Variants in STAM observed in about 807,000 individuals in gnomAD.
STAM encodes signal transducing adaptor molecule.
In STAM, 16 loss-of-function variants were observed where a neutral mutation model predicts 63.4. That is an observed-to-expected ratio of 0.25 (90% CI 0.17 to 0.38). The LOEUF (loss-of-function observed/expected upper bound fraction) is 0.38. STAM is among the 10% of genes least tolerant of loss of function. STAM has a pLI of 1.00. For synonymous variants in STAM, 238 were observed against 223.9 expected, an observed-to-expected ratio of 1.06 and a Z score of -0.56; for missense variants, 636 against 657.1, an observed-to-expected ratio of 0.97 and a Z score of 0.35.
intron 9 of STAM, among the ~76,000 whole-genome samples, chr10:17,703,772 A>G (rs999564044): frequency 3.3e-5 from 5 of 152,156 alleles, no homozygotes; most frequent in African/African-American, 4.8e-5. Flanking sequence ...TTTATGACCA[A>G]CTGAAACACT....
intron 1 of STAM, among the ~76,000 whole-genome samples, chr10:17,657,348 C>T (rs1833982497): frequency 6.6e-6 from 1 of 152,144 alleles, no homozygotes; most frequent in Admixed American, 6.5e-5. Flanking sequence ...TCCTGCCCTG[C>T]TCGTACCTGT....
intron 1 of STAM, among the ~76,000 whole-genome samples, chr10:17,645,188 G>T (rs549990481): frequency 1.3e-5 from 2 of 152,190 alleles, no homozygotes; most frequent in South Asian, 2.1e-4. Flanking sequence ...AGTTTCCGGG[G>T]AGAGAATTTT....
chr10:17,655,364 A>G (rs1408847355), intron 1 of STAM, among the ~76,000 whole-genome samples: 1 of 152,160 alleles, frequency 6.6e-6, no homozygotes, highest in Admixed American at 6.5e-5. Context: ...ATCTGTGTGA[A>G]TAACCTGCTT....
intron 2 of STAM, among the ~76,000 whole-genome samples, chr10:17,660,991 T>C (rs1564533436): frequency 6.6e-6 from 1 of 152,206 alleles, no homozygotes; most frequent in African/African-American, 2.4e-5. Context: ...ATTTCTCAGT[T>C]ACCAAGTTTC....
At chr10:17,692,953 G>T (rs1211620046) in intron 5 of STAM, among the ~76,000 whole-genome samples, 1 of 151,904 alleles carries the variant, frequency 6.6e-6, no homozygotes, top group Non-Finnish European at 1.5e-5. Context: ...TCTCTGACTT[G>T]TGTACCATAT....
At chr10:17,660,959 A>G (rs1051309389) in intron 2 of STAM, among the ~76,000 whole-genome samples, 1 of 152,054 alleles carries the variant, frequency 6.6e-6, no homozygotes, top group South Asian at 2.1e-4. Flanking sequence ...CATTTTTTCC[A>G]CTGATTTTAG....
chr10:17,714,873 C>A lies in STAM; in HGVS notation c.*93C>A. ...TATCTTAAGATGTGTTTATCCTCAG[C>A]TTATAGGAATCTCTCCAGGTCAACA... On this transcript the variant is annotated 3_prime_UTR_variant, in exon 14 of 14. Coordinates refer to ENST00000377524, the MANE Select transcript of STAM (RefSeq NM_003473.4). The A allele has an allele frequency of 8.2e-7, 1 of 1,213,772 alleles. No homozygotes were observed. Among genetic ancestry groups the A allele is most frequent in the Non-Finnish European group, 1.2e-6 (1 of 828,504 alleles). 75.2% of individuals were successfully genotyped at this position (1,213,772 alleles called of 1,614,324 possible). A position where few individuals can be genotyped will look rare whatever the true frequency, so the allele number is the denominator to read the frequency against.
Position 17,695,570 on chromosome 10 carries a change from T to A in STAM, c.728+329T>A, listed in dbSNP as rs190684105. On this transcript the variant is annotated intron_variant, in intron 7 of 13. Coordinates refer to ENST00000377524, the MANE Select transcript of STAM (RefSeq NM_003473.4). ...ACACTGAGTATGTATATGTACTTAA[T>A]GCAATTTGTAAGAAATATATAATCT... 203 of 184,094 alleles carry A rather than the reference T, an allele frequency of 1.1e-3. 4 individuals carry two copies. The East Asian group carries it at 0.02, about 18-fold the overall frequency. The allele number at this position is 184,094 out of a possible 1,614,324, so 11.4% of individuals were successfully genotyped here. A position where few individuals can be genotyped will look rare whatever the true frequency, so the allele number is the denominator to read the frequency against.
Position 17,704,530 on chromosome 10 carries a change from C to A in STAM, c.1000+12C>A, listed in dbSNP as rs1836165876. On this transcript the variant is annotated intron_variant, in intron 10 of 13. Coordinates refer to ENST00000377524, the MANE Select transcript of STAM (RefSeq NM_003473.4). ...GCTTCATCTTGAAGGTAAAACTTTT[C>A]TATTTACCTTGCAAATAAAGAGTAG... 2 of 1,607,496 alleles carry A rather than the reference C, an allele frequency of 1.2e-6. No individual in the cohort carries two copies. Among genetic ancestry groups the A allele is most frequent in the African/African-American group, 2.7e-5 (2 of 74,770 alleles).
intron 4 of STAM, among the ~76,000 whole-genome samples, chr10:17,686,502 G>A (rs1835301437): frequency 1.3e-5 from 2 of 151,356 alleles, no homozygotes; most frequent in African/African-American, 2.4e-5. Flanking sequence ...TCAGCCTCCT[G>A]AGTAGCTGGG....
chr10:17,698,499 C>T (rs577620039), intron 8 of STAM, among the ~76,000 whole-genome samples: 2 of 151,112 alleles, frequency 1.3e-5, no homozygotes, highest in African/African-American at 4.9e-5. Flanking sequence ...TCACTCTGGA[C>T]GATCTAAAAG....
At chr10:17,644,512 C>G in intron 1 of STAM, 133 bp downstream of exon 1, 1 of 1,080,508 alleles carries the variant, frequency 9.3e-7, no homozygotes, top group Non-Finnish European at 1.4e-6. Context: ...GAGGCTCCCT[C>G]CTTCAGAGCT....
chr10:17,651,563 T>C (rs61842268), intron 1 of STAM, among the ~76,000 whole-genome samples: 17,220 of 152,196 alleles, frequency 0.11, 1,047 homozygotes, highest in Middle Eastern at 0.15. Flanking sequence ...TTACCTCTCC[T>C]CTAAGCTGTT....
intron 1 of STAM, among the ~76,000 whole-genome samples, chr10:17,647,365 T>G (rs1489673107): frequency 6.6e-6 from 1 of 152,212 alleles, no homozygotes; most frequent in Admixed American, 6.5e-5. Flanking sequence ...ATACAGTATT[T>G]TATTCATGGG....
Position 17,688,143 on chromosome 10 carries a change from A to G in STAM, c.414A>G (p.Gln138=). 6.3e-7 allele frequency: 1 copy of G among 1,584,288 alleles called. No individual in the cohort carries two copies. The highest frequency in any genetic ancestry group is 2.3e-5 in the East Asian group (1 of 43,846). Residue 138 remains glutamine (Q), a synonymous_variant, in exon 5 of 14, where the codon CAA becomes CAG. Coordinates refer to ENST00000377524, the MANE Select transcript of STAM (RefSeq NM_003473.4). ...ISAMIKNLKE[Q]GVTFPAIGSQ... ...CAATGATTAAGAACCTTAAGGAACA[A>G]GGAGTTACGTTCCCAGCTATTGGCT...
At chr10:17,707,960 A>T (rs1426481049) in intron 12 of STAM, among the ~76,000 whole-genome samples, 3 of 151,184 alleles carry the variant, frequency 2.0e-5, no homozygotes, top group Non-Finnish European at 2.9e-5. Flanking sequence ...GCGCGATCTC[A>T]GCTCGCTGCC....
intron 1 of STAM, among the ~76,000 whole-genome samples, chr10:17,658,082 A>T (rs1419720322): frequency 6.6e-6 from 1 of 151,996 alleles, no homozygotes; most frequent in Non-Finnish European, 1.5e-5. Flanking sequence ...GATTCTTTTT[A>T]AAAATATGTA....
Position 17,681,071 on chromosome 10 carries a change from G to A in STAM, c.126-3604G>A, listed in dbSNP as rs113300139. On this transcript the variant is annotated intron_variant, in intron 2 of 13. Coordinates refer to ENST00000377524, the MANE Select transcript of STAM (RefSeq NM_003473.4). ...TACTGTTTTACACAGCACCTGTAGC[G>A]TTTTACATTCCCACCAACAGTGCAC... is the stretch of plus-strand genomic sequence containing the variant. 1.1e-3 allele frequency among the ~76,000 whole-genome samples: 170 copies of A among 152,078 alleles called. 3 individuals are homozygous for A. The East Asian group carries it at 0.017, about 16-fold the overall frequency.
At position 17,688,057 on chromosome 10, in the gene STAM, G is replaced by T; in HGVS notation, c.328G>T (p.Ala110Ser). 1 of 1,599,812 alleles carries T rather than the reference G, an allele frequency of 6.3e-7. No individual in the cohort carries two copies. Among genetic ancestry groups the T allele is most frequent in the African/African-American group, 1.3e-5 (1 of 74,288 alleles). ...TCCTAAAGTATGTGAAAAATTAAAG[G>T]CTCTTATGGTTGAATGGACAGATGA... is the stretch of plus-strand genomic sequence containing the variant. ...GHPKVCEKLKALMVEWTDEFK... is the reference protein window; with the variant it reads ...GHPKVCEKLKSLMVEWTDEFK... Residue 110 changes from alanine to serine, a missense_variant, in exon 5 of 14, where the codon GCT becomes TCT. Ala to Ser is a moderately conservative substitution (Grantham distance 99, BLOSUM62 1). Transcript: ENST00000377524.
Sources: gnomAD v4.1 joint callset for allele counts (sites outside exome capture counted in the v4.1 genomes callset) on GRCh38, gnomAD v4.1.1 for gene constraint, MANE v1.5 for transcripts, NCBI Gene and HGNC (gene_info 2026-07-23, HGNC 2026-07-21) for gene names.